Variants in YWHAQ observed in about 807,000 individuals in gnomAD.
YWHAQ encodes the protein tyrosine 3-monooxygenase/tryptophan 5-monooxygenase activation protein theta.
YWHAQ carries 6 observed loss-of-function variants against 28.3 expected under a neutral mutation model. The observed-to-expected ratio is 0.21, with a 90% CI of 0.12 to 0.42. YWHAQ has a LOEUF of 0.42. Among genes scored for constraint, YWHAQ ranks in the 10% least tolerant of loss-of-function variants. The pLI is 1.00. For missense variants in YWHAQ, 201 were observed against 305.6 expected (o/e 0.66, Z 2.55); for synonymous variants, 143 against 119.1 (o/e 1.20, Z -1.31).
chr2:9,600,000 T>C (rs955863525), intron 2 of YWHAQ, among the ~76,000 whole-genome samples: 3 of 152,188 alleles, frequency 2.0e-5, no homozygotes, highest in Non-Finnish European at 4.4e-5. Context: ...GAAGTCAAAA[T>C]ATTAACATTA....
intron 2 of YWHAQ, among the ~76,000 whole-genome samples, chr2:9,608,753 A>AGC (rs1666886089): frequency 6.6e-6 from 1 of 152,242 alleles, no homozygotes; most frequent in Non-Finnish European, 1.5e-5. Flanking sequence ...GTTCGAAACC[A>AGC]GCCTGGCCAA....
intron 2 of YWHAQ, among the ~76,000 whole-genome samples, chr2:9,594,438 C>T (rs917581013): frequency 4.6e-5 from 7 of 151,854 alleles, no homozygotes; most frequent in Non-Finnish European, 1.0e-4. Context: ...GTGAGATAGT[C>T]ACAAAAAAAG....
At chr2:9,620,674 G>A (rs1218411876) in intron 2 of YWHAQ, 1 of 151,898 alleles carries the variant, frequency 6.6e-6, no homozygotes, top group African/African-American at 2.4e-5. Context: ...GAATTAACAG[G>A]GACTTTTATT....
intron 2 of YWHAQ, among the ~76,000 whole-genome samples, chr2:9,596,079 A>G (rs111643602): frequency 2.6e-5 from 4 of 152,344 alleles, no homozygotes; most frequent in Non-Finnish European, 4.4e-5. Flanking sequence ...GGAACTCAGA[A>G]TAAGTTTAAT....
chr2:9,624,310 G>A (rs1468024388), intron 2 of YWHAQ, among the ~76,000 whole-genome samples: 2 of 152,074 alleles, frequency 1.3e-5, no homozygotes, highest in African/African-American at 2.4e-5. Flanking sequence ...CACTGAATAA[G>A]TTTCAGTAAG....
chr2:9,605,725 TA>T (rs1392992332), intron 2 of YWHAQ, among the ~76,000 whole-genome samples: 4 of 146,616 alleles, frequency 2.7e-5, no homozygotes, highest in African/African-American at 7.4e-5. Context: ...CATGACCGGC[TA>T]ATTTTTTTTT....
At chr2:9,599,914 G>C (rs1666654686) in intron 2 of YWHAQ, among the ~76,000 whole-genome samples, 1 of 152,046 alleles carries the variant, frequency 6.6e-6, no homozygotes, top group Non-Finnish European at 1.5e-5. Flanking sequence ...GACAGATCTG[G>C]GAAAATAAAT....
At chr2:9,608,631 T>TA (rs755858453) in intron 2 of YWHAQ, among the ~76,000 whole-genome samples, 19 of 151,922 alleles carry the variant, frequency 1.3e-4, no homozygotes, top group East Asian at 5.8e-4. Context: ...ACAAGTGCCA[T>TA]AAAAAAAAGC....
At chr2:9,617,664 T>G (rs1284286964) in intron 2 of YWHAQ, among the ~76,000 whole-genome samples, 1 of 152,152 alleles carries the variant, frequency 6.6e-6, no homozygotes, top group Non-Finnish European at 1.5e-5. Context: ...AAAGGTTAGG[T>G]GTGGTGGCTC....
chr2:9,615,870 C>T (rs1199512993), intron 2 of YWHAQ, among the ~76,000 whole-genome samples: 1 of 152,146 alleles, frequency 6.6e-6, no homozygotes, highest in Admixed American at 6.5e-5. Context: ...AGCTGTGGAA[C>T]TGAGTAAATT....
rs189461243 is a variant in YWHAQ, at chr2:9,585,631, G to A, written c.679-286C>T. 2.0e-5 allele frequency among the ~76,000 whole-genome samples: 3 copies of A among 152,244 alleles called. No homozygotes were observed. In the East Asian group the frequency reaches 5.8e-4, roughly 29 times the overall value. On this transcript the variant is annotated intron_variant, in intron 5 of 5. Coordinates refer to ENST00000238081, the MANE Select transcript of YWHAQ (RefSeq NM_006826.4). ...TTTTTATTTAAAAAGCATTTGGCCA[G>A]GCACAGTGGCTCACGCCTGTAATCT...
At chr2:9,602,847 AAAAAAAAAAAAAAAAATATATAT>A (rs1430113201) in intron 2 of YWHAQ, among the ~76,000 whole-genome samples, 50 of 23,696 alleles carry the variant, frequency 2.1e-3, no homozygotes, top group African/African-American at 3.1e-3. Context: ...AAAAAAAAAA[AAAAAAAAAAAAAAAAATATATAT>A]ATATATATAT....
chr2:9,620,637 C>G (rs1293536042), intron 2 of YWHAQ: 1 of 152,222 alleles, frequency 6.6e-6, no homozygotes, highest in Non-Finnish European at 1.5e-5. Context: ...GACATTCCAA[C>G]ATACCAGATC....
intron 2 of YWHAQ, chr2:9,620,662 A>G (rs1279840833): frequency 1.3e-5 from 2 of 152,078 alleles, no homozygotes; most frequent in East Asian, 3.8e-4. Flanking sequence ...GCTGGTTTCC[A>G]GGAATTAACA....
At chr2:9,611,365 T>A (rs750007345) in intron 2 of YWHAQ, among the ~76,000 whole-genome samples, 2 of 152,216 alleles carry the variant, frequency 1.3e-5, no homozygotes, top group Non-Finnish European at 2.9e-5. Context: ...AGTACTGCAA[T>A]CTTTGTGCTA....
chr2:9,593,114 A>G (rs776370762), intron 2 of YWHAQ, among the ~76,000 whole-genome samples: 18 of 152,236 alleles, frequency 1.2e-4, no homozygotes, highest in Non-Finnish European at 2.1e-4. Flanking sequence ...TCAAATTCAC[A>G]TAACTGCTAA....
chr2:9,597,736 T>G (rs1666603121), intron 2 of YWHAQ, among the ~76,000 whole-genome samples: 1 of 150,740 alleles, frequency 6.6e-6, no homozygotes, highest in South Asian at 2.1e-4. Flanking sequence ...AAGTTCATTT[T>G]CAAAAAAATG....
intron 2 of YWHAQ, among the ~76,000 whole-genome samples, chr2:9,604,998 G>A (rs1287773418): frequency 2.0e-5 from 3 of 152,166 alleles, no homozygotes; most frequent in Non-Finnish European, 2.9e-5. Context: ...GGATGCAACA[G>A]AAGTGGAATT....
In YWHAQ at chr2:9,592,192, C is replaced by G. The variant is rs549235270; in HGVS notation, c.295-677G>C. 1.1e-4 allele frequency among the ~76,000 whole-genome samples: 16 copies of G among 152,160 alleles called. No homozygotes were observed. In the East Asian group the frequency reaches 1.7e-3, roughly 17 times the overall value. ...TCTAAAATGAGGTAAATACAGGAAT[C>G]GAGAGTAAGAGGTTTAGAAACTTGC... On this transcript the variant is annotated intron_variant, in intron 2 of 5. Coordinates refer to ENST00000238081, the MANE Select transcript of YWHAQ (RefSeq NM_006826.4).
Sources: allele counts gnomAD v4.1 joint callset (sites outside exome capture counted in the v4.1 genomes callset), GRCh38; gene constraint gnomAD v4.1.1; transcripts MANE v1.5; gene names NCBI Gene and HGNC (gene_info 2026-07-23, HGNC 2026-07-21).